FRMD4A: variants seen among roughly 807,000 people sequenced by gnomAD.
The protein encoded by FRMD4A is FERM domain containing 4A.
A neutral mutation model predicts 129.1 loss-of-function variants in FRMD4A; 29 were observed. The ratio of observed to expected loss-of-function variants is 0.22; its 90% CI spans 0.17 to 0.31. FRMD4A has a LOEUF of 0.31. FRMD4A is among the 10% of genes least tolerant of loss of function. FRMD4A has a pLI of 1.00. For synonymous variants in FRMD4A, 634 were observed against 571.6 expected (o/e 1.11, Z -1.56); for missense variants, 1,272 against 1,375.8 (o/e 0.92, Z 1.19).
chr10:14,266,994 G>T (rs1030680787), intron 2 of FRMD4A, among the ~76,000 whole-genome samples: 4 of 152,206 alleles, frequency 2.6e-5, no homozygotes, highest in African/African-American at 9.6e-5. Flanking sequence ...TTAAGTTTTA[G>T]TGTCACTAGT....
At chr10:14,139,258 A>G (rs919638444) in intron 2 of FRMD4A, among the ~76,000 whole-genome samples, 2 of 152,180 alleles carry the variant, frequency 1.3e-5, no homozygotes, top group Admixed American at 1.3e-4. Flanking sequence ...TGAAATAAGA[A>G]GTATCTTATG....
chr10:14,220,163 G>A (rs1031817139), intron 2 of FRMD4A, among the ~76,000 whole-genome samples: 1 of 152,130 alleles, frequency 6.6e-6, no homozygotes, highest in Non-Finnish European at 1.5e-5. Context: ...TCTAAATGAC[G>A]AAACTGTTCA....
chr10:13,693,318 C>A (rs896092046), intron 15 of FRMD4A: 6 of 212,280 alleles, frequency 2.8e-5, no homozygotes, highest in African/African-American at 1.2e-4. Flanking sequence ...ACTCCTCTGT[C>A]CCTCCCAACA....
intron 2 of FRMD4A, among the ~76,000 whole-genome samples, chr10:13,943,199 T>C (rs1380418325): frequency 6.6e-6 from 1 of 152,098 alleles, no homozygotes; most frequent in African/African-American, 2.4e-5. Flanking sequence ...CTGCATAAGG[T>C]TCTAGGTGGA....
At chr10:13,692,838 T>A (rs1017276184) in intron 15 of FRMD4A, 1 of 152,216 alleles carries the variant, frequency 6.6e-6, no homozygotes, top group Admixed American at 6.6e-5. Context: ...GGTTCCTACA[T>A]CAATCAGGTT....
intron 2 of FRMD4A, among the ~76,000 whole-genome samples, chr10:14,311,212 T>C (rs1304409610): frequency 6.6e-6 from 1 of 152,144 alleles, no homozygotes; most frequent in Non-Finnish European, 1.5e-5. Context: ...CTCCTGAATT[T>C]CCACCTCCTC....
At chr10:14,078,044 C>CTGATGA (rs1374912904) in intron 2 of FRMD4A, among the ~76,000 whole-genome samples, 3 of 152,150 alleles carry the variant, frequency 2.0e-5, no homozygotes, top group Non-Finnish European at 4.4e-5. Context: ...TTCAATTCAC[C>CTGATGA]TGATGATGAC....
At chr10:13,868,135 G>A (rs1002542100) in intron 2 of FRMD4A, among the ~76,000 whole-genome samples, 9 of 150,952 alleles carry the variant, frequency 6.0e-5, no homozygotes, top group African/African-American at 2.2e-4. Context: ...TTATACCAGG[G>A]AAATAACACT....
At chr10:13,853,685 T>C (rs995331984) in intron 3 of FRMD4A, among the ~76,000 whole-genome samples, 1 of 151,712 alleles carries the variant, frequency 6.6e-6, no homozygotes, top group Non-Finnish European at 1.5e-5. Flanking sequence ...AATACAAAAG[T>C]AGCTGGGCAT....
At chr10:14,012,993 G>A (rs2095687178) in intron 2 of FRMD4A, among the ~76,000 whole-genome samples, 1 of 152,178 alleles carries the variant, frequency 6.6e-6, no homozygotes, top group Non-Finnish European at 1.5e-5. Flanking sequence ...AGGTCACACT[G>A]TATAATAGAT....
intron 2 of FRMD4A, among the ~76,000 whole-genome samples, chr10:14,156,562 G>A (rs1330179106): frequency 6.6e-6 from 1 of 152,130 alleles, no homozygotes; most frequent in Non-Finnish European, 1.5e-5. Context: ...GGGAGAGGGA[G>A]GGAGATAATG....
chr10:14,022,944 C>T (rs1422592512), intron 2 of FRMD4A, among the ~76,000 whole-genome samples: 1 of 152,158 alleles, frequency 6.6e-6, no homozygotes, highest in Non-Finnish European at 1.5e-5. Context: ...TTCGTTTCCT[C>T]CAATACGACC....
At chr10:13,873,550 A>G (rs921478887) in intron 2 of FRMD4A, among the ~76,000 whole-genome samples, 1 of 152,146 alleles carries the variant, frequency 6.6e-6, no homozygotes, top group African/African-American at 2.4e-5. Context: ...TATTTAAATT[A>G]GTTAATTTAT....
At chr10:14,254,071 C>T (rs966690180) in intron 2 of FRMD4A, among the ~76,000 whole-genome samples, 1 of 152,154 alleles carries the variant, frequency 6.6e-6, no homozygotes, top group Non-Finnish European at 1.5e-5. Flanking sequence ...AGGGAAAATG[C>T]TATGTCTTTG....
chr10:13,769,706 C>T (rs1255566654), intron 6 of FRMD4A, among the ~76,000 whole-genome samples: 4 of 152,168 alleles, frequency 2.6e-5, no homozygotes, highest in African/African-American at 9.7e-5. Flanking sequence ...GACCACCCTC[C>T]CCAGTGTGGG....
At chr10:14,025,954 TG>T (rs2131653628) in intron 2 of FRMD4A, among the ~76,000 whole-genome samples, 3 of 152,302 alleles carry the variant, frequency 2.0e-5, no homozygotes, top group African/African-American at 7.2e-5. Flanking sequence ...CAGGGACACG[TG>T]GCTGTCAAGA....
intron 21 of FRMD4A, 142 bp downstream of exon 21, chr10:13,659,181 T>A (rs2082427559): frequency 2.6e-6 from 2 of 773,440 alleles, no homozygotes. Flanking sequence ...TGCTGCCAGC[T>A]TGGTTTTTTA....
chr10:14,305,204 C>G (rs1316351695), intron 2 of FRMD4A, among the ~76,000 whole-genome samples: 1 of 152,190 alleles, frequency 6.6e-6, no homozygotes, highest in African/African-American at 2.4e-5. Context: ...CACAGAAATG[C>G]TCAGGGGAAC....
At chr10:13,971,249 T>C (rs748830) in intron 2 of FRMD4A, among the ~76,000 whole-genome samples, 2 of 152,198 alleles carry the variant, frequency 1.3e-5, no homozygotes, top group South Asian at 4.1e-4. Context: ...GAGAGGAGCG[T>C]GGATTTGTGG....
Sources: gnomAD v4.1 joint callset for allele counts (sites outside exome capture counted in the v4.1 genomes callset) on GRCh38, gnomAD v4.1.1 for gene constraint, MANE v1.5 for transcripts, NCBI Gene and HGNC (gene_info 2026-07-23, HGNC 2026-07-21) for gene names.